DENND4C: variants seen among roughly 807,000 people sequenced by gnomAD.
The protein encoded by DENND4C is DENN domain-containing protein 4C.
Under a neutral mutation model 203.0 loss-of-function variants are expected in DENND4C, and 108 were observed. That is an observed-to-expected ratio of 0.53 (90% CI 0.46 to 0.62). The LOEUF (loss-of-function observed/expected upper bound fraction) is 0.62. DENND4C is among the 20% of genes least tolerant of loss of function. The pLI is 0.00. For missense variants in DENND4C, 2,481 were observed against 2,301.2 expected, an observed-to-expected ratio of 1.08 and a Z score of -1.60; for synonymous variants, 871 against 792.4, an observed-to-expected ratio of 1.10 and a Z score of -1.67.
intron 1 of DENND4C, among the ~76,000 whole-genome samples, chr9:19,236,812 A>T (rs1475017855): frequency 6.6e-6 from 1 of 152,020 alleles, no homozygotes; most frequent in South Asian, 2.1e-4. Flanking sequence ...CTACTTTCAA[A>T]TTTTTTCCCT....
chr9:19,254,902 C>T (rs1238527311), intron 1 of DENND4C, among the ~76,000 whole-genome samples: 1 of 151,968 alleles, frequency 6.6e-6, no homozygotes, highest in Non-Finnish European at 1.5e-5. Flanking sequence ...GAGGCTGAGG[C>T]GTGTAGATCA....
chr9:19,360,134 C>T, intron 28 of DENND4C, 110 bp from the exon 29 acceptor site: 1 of 1,163,302 alleles, frequency 8.6e-7, no homozygotes, highest in Non-Finnish European at 1.2e-6. Context: ...AGCAATGGTC[C>T]TAAAATAACT....
chr9:19,255,535 AT>A (rs1383984564), intron 1 of DENND4C, among the ~76,000 whole-genome samples: 2 of 152,218 alleles, frequency 1.3e-5, no homozygotes, highest in Non-Finnish European at 2.9e-5. Flanking sequence ...TATACATTTT[AT>A]GTGAGAGGAA....
At chr9:19,247,128 C>G (rs908606139) in intron 1 of DENND4C, among the ~76,000 whole-genome samples, 2 of 152,176 alleles carry the variant, frequency 1.3e-5, no homozygotes, top group South Asian at 2.1e-4. Flanking sequence ...ACTTGGTTTT[C>G]TGGATGCCAT....
intron 1 of DENND4C, among the ~76,000 whole-genome samples, chr9:19,242,654 C>CT (rs58190075): frequency 0.023 from 3,307 of 145,220 alleles, 123 homozygotes; most frequent in African/African-American, 0.076. Flanking sequence ...CTATTTCTTT[C>CT]TTTTTTTTTT....
chr9:19,328,486 G>A (rs1442980119), intron 16 of DENND4C, among the ~76,000 whole-genome samples: 3 of 151,942 alleles, frequency 2.0e-5, no homozygotes, highest in Admixed American at 6.6e-5. Context: ...GGTGTCAGGC[G>A]CCTGTGATCC....
chr9:19,258,587 C>T (rs918499022), intron 1 of DENND4C, among the ~76,000 whole-genome samples: 3 of 152,002 alleles, frequency 2.0e-5, no homozygotes, highest in Non-Finnish European at 2.9e-5. Context: ...AAAGAAAAGC[C>T]ATAATGATCT....
At chr9:19,238,044 G>A (rs1822466639) in intron 1 of DENND4C, among the ~76,000 whole-genome samples, 1 of 151,702 alleles carries the variant, frequency 6.6e-6, no homozygotes, top group African/African-American at 2.4e-5. Context: ...TAGGCTCTAG[G>A]GAAGACCCCT....
chr9:19,304,713 CTTT>C (rs766700841), intron 9 of DENND4C, among the ~76,000 whole-genome samples: 4 of 133,186 alleles, frequency 3.0e-5, no homozygotes, highest in Non-Finnish European at 3.3e-5. Context: ...ATTTTTTGTA[CTTT>C]TTTTTTTTTT....
At position 19,352,615 on chromosome 9, in the gene DENND4C, C is replaced by T; in HGVS notation, c.4731C>T (p.Asn1577=). ...LNTACPFCKS[N]FLPLLNIEFK... ...CAGCTTGTCCATTCTGTAAAAGCAA[C>T]TTCTTGCCTCTTCTCAATATAGAAT... Residue 1577 remains asparagine, a synonymous_variant, in exon 26 of 33, where the codon AAC becomes AAT. Transcript: ENST00000434457. The T allele has an allele frequency of 6.2e-7, 1 of 1,613,180 alleles. No homozygotes were observed. Among genetic ancestry groups the T allele is most frequent in the African/African-American group, 1.3e-5 (1 of 75,028 alleles).
intron 5 of DENND4C, among the ~76,000 whole-genome samples, chr9:19,293,000 T>C (rs1157171637): frequency 1.3e-5 from 2 of 152,216 alleles, no homozygotes; most frequent in African/African-American, 4.8e-5. Context: ...AGATAATATA[T>C]GTAAAGTATC....
intron 27 of DENND4C, 37 bp downstream of exon 27, chr9:19,357,191 A>T: frequency 1.9e-6 from 3 of 1,605,772 alleles, no homozygotes; most frequent in Non-Finnish European, 2.6e-6. Flanking sequence ...ATGTAGTAAT[A>T]AATGGGGTAC....
chr9:19,252,193 A>T (rs537337524), intron 1 of DENND4C, among the ~76,000 whole-genome samples: 3 of 152,278 alleles, frequency 2.0e-5, no homozygotes, highest in Admixed American at 6.5e-5. Flanking sequence ...GTCTTATGTG[A>T]ATGGCAGCAG....
At chr9:19,352,398 T>G (rs777179193) in intron 25 of DENND4C, 92 bp from the exon 26 acceptor site, 1 of 1,304,856 alleles carries the variant, frequency 7.7e-7, no homozygotes, top group Non-Finnish European at 1.0e-6. Context: ...ATTTGATCAG[T>G]AGAATAAAAA....
intron 26 of DENND4C, among the ~76,000 whole-genome samples, chr9:19,356,463 A>G (rs1313048611): frequency 1.3e-5 from 2 of 152,082 alleles, no homozygotes; most frequent in Non-Finnish European, 2.9e-5. Flanking sequence ...GTCCCACCCA[A>G]AGAGAGAAGG....
rs543063317 is a variant in DENND4C, at chr9:19,319,104, A to G, written c.1807+2265A>G. Among the ~76,000 whole-genome samples the G allele has an allele frequency of 5.3e-5, 8 of 151,530 alleles. No homozygotes were observed. The East Asian group carries it at 1.6e-3, about 29-fold the overall frequency. On this transcript the variant is annotated intron_variant, in intron 12 of 32. Transcript: ENST00000434457. Reference sequence around the variant, plus strand: ...GAATCGCTTCATCCCGCGAGGCAGAAGTTGCGGTGAGCCAAGATCACTGTA... The same window carrying G: ...GAATCGCTTCATCCCGCGAGGCAGAGGTTGCGGTGAGCCAAGATCACTGTA...
chr9:19,343,373 T>C (rs1822106308), intron 22 of DENND4C, among the ~76,000 whole-genome samples: 1 of 152,252 alleles, frequency 6.6e-6, no homozygotes, highest in Non-Finnish European at 1.5e-5. Context: ...ATGGCACATA[T>C]CCAAGTATAT....
intron 13 of DENND4C, 110 bp from the exon 14 acceptor site, chr9:19,325,829 A>C (rs1817697652): frequency 1.0e-6 from 1 of 966,994 alleles, no homozygotes; most frequent in Non-Finnish European, 1.6e-6. Flanking sequence ...GTTTTGTATC[A>C]GCTGGTACTG....
chr9:19,245,490 G>A (rs1478754314), intron 1 of DENND4C, among the ~76,000 whole-genome samples: 2 of 139,306 alleles, frequency 1.4e-5, no homozygotes, highest in Non-Finnish European at 3.1e-5. Flanking sequence ...TGTGTTCCAG[G>A]TGGCTCCAAT....
Sources: allele counts gnomAD v4.1 joint callset (sites outside exome capture counted in the v4.1 genomes callset), GRCh38; gene constraint gnomAD v4.1.1; transcripts MANE v1.5; gene names NCBI Gene and HGNC (gene_info 2026-07-23, HGNC 2026-07-21).